CSMD1: variants seen among roughly 807,000 people sequenced by gnomAD.
CSMD1 encodes the protein CUB and sushi domain-containing protein 1.
In CSMD1, 213 loss-of-function variants were observed where a neutral mutation model predicts 417.5. The observed-to-expected ratio is 0.51, with a 90% confidence interval of 0.46 to 0.57. The LOEUF is 0.57. CSMD1 is among the 20% of genes least tolerant of loss of function. The pLI is 0.00. For missense variants in CSMD1, 6,923 were observed against 4,529.7 expected (o/e 1.53, Z -15.17); for synonymous variants, 2,862 against 1,736.8 (o/e 1.65, Z -16.11).
chr8:4,992,909 C>G (rs1188617910), intron 1 of CSMD1, among the ~76,000 whole-genome samples: 1 of 152,208 alleles, frequency 6.6e-6, no homozygotes, highest in African/African-American at 2.4e-5. Flanking sequence ...CAGACACCCC[C>G]TTGTGAGGGT....
intron 1 of CSMD1, among the ~76,000 whole-genome samples, chr8:4,822,837 T>C (rs985634339): frequency 1.8e-4 from 27 of 152,124 alleles, no homozygotes; most frequent in Admixed American, 1.1e-3. Flanking sequence ...ATTTTGTCCC[T>C]TCTGTAATTT....
intron 8 of CSMD1, among the ~76,000 whole-genome samples, chr8:3,615,284 G>T (rs1802079630): frequency 6.6e-6 from 1 of 152,092 alleles, no homozygotes; most frequent in African/African-American, 2.4e-5. Context: ...AGTACAGTTT[G>T]TGCCCCAGAA....
intron 2 of CSMD1, among the ~76,000 whole-genome samples, chr8:4,458,625 G>A (rs1390035899): frequency 6.6e-6 from 1 of 152,126 alleles, no homozygotes; most frequent in Non-Finnish European, 1.5e-5. Flanking sequence ...CACCTCAGCA[G>A]CAAAATCAAT....
At chr8:4,777,339 G>A (rs748747969) in intron 1 of CSMD1, among the ~76,000 whole-genome samples, 2 of 152,196 alleles carry the variant, frequency 1.3e-5, no homozygotes, top group Non-Finnish European at 2.9e-5. Context: ...ATGAGAGAGT[G>A]CCTTTGGTAG....
At chr8:3,681,641 T>C (rs571262747) in intron 7 of CSMD1, among the ~76,000 whole-genome samples, 1 of 152,038 alleles carries the variant, frequency 6.6e-6, no homozygotes, top group Non-Finnish European at 1.5e-5. Context: ...TTCAATGCCA[T>C]CCCCATCAAG....
chr8:2,988,007 G>A (rs370838931), intron 54 of CSMD1, among the ~76,000 whole-genome samples: 2 of 152,092 alleles, frequency 1.3e-5, no homozygotes, highest in African/African-American at 2.4e-5. Context: ...ATTAAGCCCC[G>A]CATGCGTTAG....
chr8:3,998,160 A>G, intron 4 of CSMD1, 50 bp from the exon 5 acceptor site: 1 of 1,484,514 alleles, frequency 6.7e-7, no homozygotes, highest in Non-Finnish European at 9.2e-7. Flanking sequence ...GATGGTTTTC[A>G]TACACGAGTG....
chr8:4,101,694 G>A (rs1346034403), intron 3 of CSMD1, among the ~76,000 whole-genome samples: 1 of 152,176 alleles, frequency 6.6e-6, no homozygotes, highest in Non-Finnish European at 1.5e-5. Context: ...GTAACCAAAT[G>A]ATTGAGTAAT....
rs538398842 is a variant in CSMD1 at position 3,496,932 on chromosome 8, A to G, written c.1345-3206T>C. The stretch of plus-strand genomic sequence containing the variant: ...ACACTCAGGAACATGTTTAATTTCC[A>G]TGTATTCGTACAATTTTGAAAGTTT... On this transcript the variant is annotated intron_variant, in intron 10 of 69. Transcript: ENST00000635120. Among the ~76,000 whole-genome samples the G allele has an allele frequency of 2.0e-4, 30 of 152,342 alleles. 2 individuals carry two copies. The South Asian group carries it at 6.2e-3, about 32-fold the overall frequency.
chr8:3,604,888 T>A (rs915176268), intron 8 of CSMD1, among the ~76,000 whole-genome samples: 2 of 152,230 alleles, frequency 1.3e-5, no homozygotes, highest in African/African-American at 4.8e-5. Context: ...TGTGTTCACC[T>A]GCTTTTGGGC....
intron 3 of CSMD1, among the ~76,000 whole-genome samples, chr8:4,185,810 C>G (rs1798639166): frequency 2.0e-5 from 3 of 152,166 alleles, no homozygotes; most frequent in South Asian, 2.1e-4. Flanking sequence ...GACCCAGTGC[C>G]AGAGTCAGAA....
intron 12 of CSMD1, among the ~76,000 whole-genome samples, chr8:3,456,529 T>C (rs971419684): frequency 1.3e-5 from 2 of 152,206 alleles, no homozygotes; most frequent in Admixed American, 1.3e-4. Context: ...TTTGTGGTTA[T>C]CTAAGTTGGC....
intron 1 of CSMD1, among the ~76,000 whole-genome samples, chr8:4,851,030 T>C (rs1010655562): frequency 5.3e-5 from 8 of 152,022 alleles, no homozygotes; most frequent in Admixed American, 5.2e-4. Flanking sequence ...ACATGTGCCA[T>C]GTTGGTGTGC....
At chr8:3,865,709 C>A (rs190501629) in intron 5 of CSMD1, among the ~76,000 whole-genome samples, 2 of 152,222 alleles carry the variant, frequency 1.3e-5, no homozygotes, top group East Asian at 1.9e-4. Context: ...GCAGTAAATA[C>A]AACAACAAAA....
At chr8:4,520,721 G>T (rs1426670673) in intron 2 of CSMD1, among the ~76,000 whole-genome samples, 2 of 152,082 alleles carry the variant, frequency 1.3e-5, no homozygotes, top group African/African-American at 2.4e-5. Context: ...CTGAACTTTT[G>T]TTCCAATTAT....
chr8:3,981,712 G>C (rs2554722), intron 5 of CSMD1, among the ~76,000 whole-genome samples: 2 of 151,784 alleles, frequency 1.3e-5, no homozygotes, highest in South Asian at 2.1e-4. Flanking sequence ...TTTTGTATTT[G>C]ATTTCTTCAG....
intron 5 of CSMD1, among the ~76,000 whole-genome samples, chr8:3,847,881 C>G (rs932247241): frequency 7.9e-5 from 12 of 152,154 alleles, no homozygotes; most frequent in African/African-American, 2.9e-4. Flanking sequence ...GCTAGTCTGA[C>G]TTTTCAACTC....
chr8:3,084,626 TCA>T (rs981681802), intron 49 of CSMD1, among the ~76,000 whole-genome samples: 21 of 151,354 alleles, frequency 1.4e-4, no homozygotes, highest in African/African-American at 4.9e-4. Flanking sequence ...ACTACAAAAA[TCA>T]CACATTTATA....
rs572871803 is a variant in CSMD1 at position 4,397,836 on chromosome 8, G to A, written c.415+22117C>T. On this transcript the variant is annotated intron_variant, in intron 3 of 69. Coordinates refer to ENST00000635120, the MANE Select transcript of CSMD1 (RefSeq NM_033225.6). ...ACAATATTTATAATCGGAAAATAATGTAATGTCAGGATACATCTTTCTAAT... is the reference window on the plus strand; with the variant it reads ...ACAATATTTATAATCGGAAAATAATATAATGTCAGGATACATCTTTCTAAT... Among the ~76,000 whole-genome samples the A allele has an allele frequency of 1.5e-3, 226 of 152,116 alleles. 1 individual carries two copies. Among genetic ancestry groups the A allele is most frequent in the Admixed American group, 2.4e-3 (36 of 15,274 alleles).
Sources: allele counts gnomAD v4.1 joint callset (sites outside exome capture counted in the v4.1 genomes callset), GRCh38; gene constraint gnomAD v4.1.1; transcripts MANE v1.5; gene names NCBI Gene and HGNC (gene_info 2026-07-23, HGNC 2026-07-21).